NEMP2: variants seen among roughly 807,000 people sequenced by gnomAD.
The protein encoded by NEMP2 is nuclear envelope integral membrane protein 2.
A neutral mutation model predicts 54.2 loss-of-function variants in NEMP2; 53 were observed. That is an observed-to-expected ratio of 0.98 (90% confidence interval 0.78 to 1.23). NEMP2 has a LOEUF of 1.23. NEMP2 is among the 50% of genes most tolerant of loss of function. The pLI, the probability that NEMP2 is intolerant of heterozygous loss-of-function variation, is 0.00. For missense variants in NEMP2, 455 were observed against 511.3 expected (o/e 0.89, Z 1.06); for synonymous variants, 197 against 190.3 (o/e 1.04, Z -0.29).
At chr2:190,430,404 A>C in the NEMP2 span, among the ~76,000 whole-genome samples, 1 of 150,048 alleles carries the variant, frequency 6.7e-6, no homozygotes, top group African/African-American at 2.5e-5. Flanking sequence ...AGTGGTGATG[A>C]CTCTTAAGGA....
At position 190,504,630 on chromosome 2, in the gene NEMP2, C is replaced by T. The variant is rs1280381130; in HGVS notation, c.*4559G>A. On this transcript the variant is annotated 3_prime_UTR_variant, in exon 9 of 9. Coordinates refer to ENST00000409150, the MANE Select transcript of NEMP2 (RefSeq NM_001142645.2). This position sits in a 1 kb window ranked among gnomAD's most constrained non-coding sequence, Gnocchi z 5.6. ...TTTCATAATTTTCATTTTTCTTTTT[C>T]TTCTTAAAGGTGTCAACAAAAGTAA... The T allele has an allele frequency of 6.6e-6, 1 of 152,070 alleles. No homozygotes were observed. The highest frequency in any genetic ancestry group is 1.5e-5 in the Non-Finnish European group (1 of 67,988). 9.4% of individuals were successfully genotyped at this position (152,070 alleles called of 1,614,324 possible).
chr2:190,547,684 C>T, the NEMP2 span, among the ~76,000 whole-genome samples: 2 of 152,068 alleles, frequency 1.3e-5, no homozygotes, highest in Admixed American at 1.3e-4. The surrounding 1 kb of genome is among the most constrained non-coding windows in gnomAD (Gnocchi z 6.2). Flanking sequence ...CTGCACCACA[C>T]CCAGCTAATT....
chr2:190,432,827 C>A, the NEMP2 span, among the ~76,000 whole-genome samples: 1 of 151,474 alleles, frequency 6.6e-6, no homozygotes, highest in Non-Finnish European at 1.5e-5. Flanking sequence ...CCCCCGCCCC[C>A]CAACACACAC....
chr2:190,529,565 TCATATTA>T lies in NEMP2; in HGVS notation c.98-4194_98-4188del, dbSNP rs934506089. Among the ~76,000 whole-genome samples the T allele has an allele frequency of 2.0e-5, 3 of 152,234 alleles. No individual in the cohort carries two copies. The highest frequency in any genetic ancestry group is 7.2e-5 in the African/African-American group (3 of 41,454). On this transcript the variant is annotated intron_variant, in intron 1 of 8. Coordinates refer to ENST00000409150, the MANE Select transcript of NEMP2 (RefSeq NM_001142645.2). This position sits in a 1 kb window ranked among gnomAD's most constrained non-coding sequence, Gnocchi z 4.7. ...CACTTCCACCTGCTTTATTCTTTCT[TCATATTA>T]CATATATATTTATTAGCTTATACTC...
At chr2:190,441,235 G>C in the NEMP2 span, among the ~76,000 whole-genome samples, 84 of 152,074 alleles carry the variant, frequency 5.5e-4, no homozygotes, top group Admixed American at 3.3e-4. Context: ...TGTTTTCCAG[G>C]GTCTGTTCTC....
chr2:190,613,088 T>C, the NEMP2 span, among the ~76,000 whole-genome samples: 1 of 152,200 alleles, frequency 6.6e-6, no homozygotes, highest in Admixed American at 6.5e-5. Context: ...AAATCACCAA[T>C]GCAAAATTAT....
At position 190,529,559 on chromosome 2, in the gene NEMP2, C is replaced by T. The variant is rs1691067616; in HGVS notation, c.98-4181G>A. Among the ~76,000 whole-genome samples the T allele has an allele frequency of 6.6e-6, 1 of 152,172 alleles. No individual in the cohort carries two copies. The highest frequency in any genetic ancestry group is 1.5e-5 in the Non-Finnish European group (1 of 68,024). On this transcript the variant is annotated intron_variant, in intron 1 of 8. Coordinates refer to ENST00000409150, the MANE Select transcript of NEMP2 (RefSeq NM_001142645.2). This position sits in a 1 kb window ranked among gnomAD's most constrained non-coding sequence, Gnocchi z 4.7. ...CCCAACCACTTCCACCTGCTTTATT[C>T]TTTCTTCATATTACATATATATTTA... is the stretch of plus-strand genomic sequence containing the variant.
At chr2:190,457,989 C>A in the NEMP2 span, among the ~76,000 whole-genome samples, 10 of 152,170 alleles carry the variant, frequency 6.6e-5, no homozygotes, top group Non-Finnish European at 1.2e-4. The surrounding 1 kb of genome is among the most constrained non-coding windows in gnomAD (Gnocchi z 5.1). Flanking sequence ...TTAGGTTGTA[C>A]AAAATGCGAA....
At chr2:190,563,782 C>T in the NEMP2 span, among the ~76,000 whole-genome samples, 1 of 152,182 alleles carries the variant, frequency 6.6e-6, no homozygotes, top group African/African-American at 2.4e-5. The surrounding 1 kb of genome is among the most constrained non-coding windows in gnomAD (Gnocchi z 4.3). Context: ...AATAGGCTGC[C>T]TGACAAGATT....
At chr2:190,573,627 C>A in the NEMP2 span, among the ~76,000 whole-genome samples, 1 of 152,216 alleles carries the variant, frequency 6.6e-6, no homozygotes, top group African/African-American at 2.4e-5. Context: ...TGTAAATAGA[C>A]CAAGAAATAA....
chr2:190,547,599 C>T, the NEMP2 span, among the ~76,000 whole-genome samples: 1 of 152,196 alleles, frequency 6.6e-6, no homozygotes, highest in Non-Finnish European at 1.5e-5. The surrounding 1 kb of genome is among the most constrained non-coding windows in gnomAD (Gnocchi z 6.2). Flanking sequence ...CATCTTGGCT[C>T]ACTGCAACCT....
chr2:190,483,575 G>A, the NEMP2 span, among the ~76,000 whole-genome samples: 2 of 152,112 alleles, frequency 1.3e-5, no homozygotes, highest in Admixed American at 6.5e-5. Flanking sequence ...AGTGGCTCAC[G>A]CCCGTAATCC....
chr2:190,509,339 G>A lies in NEMP2; in HGVS notation c.1131-27C>T. Reference sequence around the variant, plus strand: ...TAACAAGTTTTTTGTTTTAAATAAAGTTAATGTTATCTCAGGAAGGTTTAT... The same window carrying A: ...TAACAAGTTTTTTGTTTTAAATAAAATTAATGTTATCTCAGGAAGGTTTAT... On this transcript the variant is annotated intron_variant, in intron 8 of 8. Coordinates refer to ENST00000409150, the MANE Select transcript of NEMP2 (RefSeq NM_001142645.2). This position sits in a 1 kb window ranked among gnomAD's most constrained non-coding sequence, Gnocchi z 6.1. 6.5e-7 allele frequency: 1 copy of A among 1,548,932 alleles called. No homozygotes were observed.
At chr2:190,607,473 T>A in the NEMP2 span, among the ~76,000 whole-genome samples, 8 of 152,128 alleles carry the variant, frequency 5.3e-5, no homozygotes, top group African/African-American at 1.2e-4. This position sits in a 1 kb window ranked among gnomAD's most constrained non-coding sequence, Gnocchi z 5.2. Context: ...CATTTTTTTT[T>A]AAATCCAAAG....
At chr2:190,606,260 CA>C in the NEMP2 span, among the ~76,000 whole-genome samples, 1 of 152,176 alleles carries the variant, frequency 6.6e-6, no homozygotes, top group Non-Finnish European at 1.5e-5. Flanking sequence ...TCCTCTTCCC[CA>C]AATCAGGAAG....
At chr2:190,476,821 TAGACTGGATTAAGAAA>T in the NEMP2 span, among the ~76,000 whole-genome samples, 2 of 151,970 alleles carry the variant, frequency 1.3e-5, no homozygotes, top group Admixed American at 6.6e-5. Flanking sequence ...CCAACAGTGA[TAGACTGGATTAAGAAA>T]ATGTGGCACA....
Position 190,527,734 on chromosome 2 carries a change from G to A in NEMP2, c.98-2356C>T, listed in dbSNP as rs575436815. On this transcript the variant is annotated intron_variant, in intron 1 of 8. Transcript: ENST00000409150. The surrounding 1 kb of genome is among the most constrained non-coding windows in gnomAD (Gnocchi z 4.0). The stretch of plus-strand genomic sequence containing the variant: ...GCAGGAGGTGAGCGGTGCGCGAGGC[G>A]AGTGATCATTACCACCTGAGCTCCA... Among the ~76,000 whole-genome samples the A allele has an allele frequency of 9.2e-5, 14 of 152,234 alleles. No homozygotes were observed. In the South Asian group the frequency reaches 1.9e-3, roughly 20 times the overall value.
At chr2:190,495,378 G>A in the NEMP2 span, among the ~76,000 whole-genome samples, 5 of 152,180 alleles carry the variant, frequency 3.3e-5, no homozygotes, top group Non-Finnish European at 7.4e-5. The surrounding 1 kb of genome is among the most constrained non-coding windows in gnomAD (Gnocchi z 4.7). Flanking sequence ...CATATCCCAT[G>A]CTCATGGATG....
chr2:190,514,664 C>T lies in NEMP2; in HGVS notation c.742G>A (p.Val248Ile). 1.9e-6 allele frequency: 3 copies of T among 1,551,580 alleles called. No individual in the cohort carries two copies. The highest frequency in any genetic ancestry group is 3.9e-5 in the Admixed American group (2 of 50,990). ...RIYVLGYVLI[V>I]GFFSFVVCYK... ...CAAACAACAAAGCTGAAAAATCCAA[C>T]TATCAAGACATAGCCTGGAAAAGTG... Residue 248 changes from valine to isoleucine, a missense_variant, in exon 7 of 9, where the codon GTT becomes ATT. Val to Ile is a conservative substitution (Grantham distance 29, BLOSUM62 3). Coordinates refer to ENST00000409150, the MANE Select transcript of NEMP2 (RefSeq NM_001142645.2). This position sits in a 1 kb window ranked among gnomAD's most constrained non-coding sequence, Gnocchi z 5.7.
Sources: allele counts gnomAD v4.1 joint callset (sites outside exome capture counted in the v4.1 genomes callset), GRCh38; gene constraint gnomAD v4.1.1; non-coding constraint Gnocchi (gnomAD v3.1); transcripts MANE v1.5; gene names NCBI Gene and HGNC (gene_info 2026-07-23, HGNC 2026-07-21).